Variants in RUSC2 observed in about 807,000 individuals in gnomAD.
RUSC2 encodes the protein RUN and SH3 domain containing 2.
Under a neutral mutation model 122.2 loss-of-function variants are expected in RUSC2, and 34 were observed. That is an observed-to-expected ratio of 0.28 (90% CI 0.21 to 0.37). The LOEUF (loss-of-function observed/expected upper bound fraction) is 0.37. Ranked by LOEUF, RUSC2 falls within the 10% of genes least tolerant of loss-of-function variation. The pLI, the probability that RUSC2 is intolerant of heterozygous loss-of-function variation, is 1.00. For missense variants in RUSC2, 1,747 were observed against 1,952.4 expected, an observed-to-expected ratio of 0.89 and a Z score of 1.98; for synonymous variants, 784 against 790.0, an observed-to-expected ratio of 0.99 and a Z score of 0.13.
chr9:35,503,559 A>G (rs563020660), intron 1 of RUSC2, among the ~76,000 whole-genome samples: 1 of 152,282 alleles, frequency 6.6e-6, no homozygotes, highest in East Asian at 1.9e-4. Flanking sequence ...TCGTGCTGCT[A>G]TAAACGTGTG....
intron 1 of RUSC2, among the ~76,000 whole-genome samples, chr9:35,539,348 T>C (rs914681058): frequency 6.6e-6 from 1 of 152,182 alleles, no homozygotes; most frequent in East Asian, 1.9e-4. Flanking sequence ...CCATTTATGC[T>C]ATTTTGTCAA....
chr9:35,503,850 C>T (rs1820864015), intron 1 of RUSC2, among the ~76,000 whole-genome samples: 1 of 152,060 alleles, frequency 6.6e-6, no homozygotes, highest in East Asian at 1.9e-4. Flanking sequence ...TGTTGGCTCA[C>T]TGCAACCTCC....
intron 1 of RUSC2, among the ~76,000 whole-genome samples, chr9:35,513,654 T>A (rs559469509): frequency 6.6e-6 from 1 of 152,224 alleles, no homozygotes; most frequent in South Asian, 2.1e-4. Context: ...TGTAGAATAC[T>A]TCATTGCATG....
chr9:35,556,967 A>G (rs1407208182), intron 5 of RUSC2, among the ~76,000 whole-genome samples: 2 of 152,164 alleles, frequency 1.3e-5, no homozygotes, highest in Non-Finnish European at 2.9e-5. Flanking sequence ...AGGCTTTCAG[A>G]GTCACGCTCC....
rs1247997025 is a variant in RUSC2 at position 35,561,185 on chromosome 9, G to C, written c.4354G>C (p.Val1452Leu). The C allele has an allele frequency of 2.5e-6, 4 of 1,614,042 alleles. No homozygotes were observed. The highest frequency in any genetic ancestry group is 1.7e-5 in the Admixed American group (1 of 60,020). The change falls in exon 12 of 12, where the codon GTG becomes CTG. Residue 1452 changes from valine (V) to leucine (L), a missense_variant. Val to Leu is a conservative substitution (Grantham distance 32, BLOSUM62 1). Coordinates refer to ENST00000361226, the MANE Select transcript of RUSC2 (RefSeq NM_014806.5). Reference protein sequence around the residue: ...PALPSSPPCEVQALCHHLATG... With the variant: ...PALPSSPPCELQALCHHLATG... ...CTCCATGTGCTGTTTCCCCAGTGAG[G>C]TGCAGGCACTGTGCCACCACCTGGC...
Position 35,557,794 on chromosome 9 carries a change from C to G in RUSC2, c.2984-120C>G. On this transcript the variant is annotated intron_variant, in intron 5 of 11. Coordinates refer to ENST00000361226, the MANE Select transcript of RUSC2 (RefSeq NM_014806.5). The surrounding 1 kb of genome is among the most constrained non-coding windows in gnomAD (Gnocchi z 4.6). ...TGAATGTTTTGATAAGACCCATGTG[C>G]AGATGTGGAGACGGAGTAAGTGTGG... The G allele has an allele frequency of 8.9e-6, 7 of 789,186 alleles. No individual in the cohort carries two copies. The highest frequency in any genetic ancestry group is 1.6e-5 in the Non-Finnish European group (7 of 442,362). The allele number at this position is 789,186 out of a possible 1,614,324, so 48.9% of individuals were successfully genotyped here.
chr9:35,549,094 T>C (rs776459518), intron 2 of RUSC2: 34 of 985,028 alleles, frequency 3.5e-5, no homozygotes, highest in Non-Finnish European at 4.0e-5. Context: ...GAGGCTGACA[T>C]ATTGGGAAAT....
intron 1 of RUSC2, among the ~76,000 whole-genome samples, chr9:35,517,779 C>T (rs561277638): frequency 6.6e-6 from 1 of 152,302 alleles, no homozygotes; most frequent in Admixed American, 6.5e-5. Context: ...AGGAGAAGGC[C>T]AGGGCGCTCT....
At chr9:35,549,557 G>A (rs1821842052) in intron 2 of RUSC2, among the ~76,000 whole-genome samples, 2 of 152,146 alleles carry the variant, frequency 1.3e-5, no homozygotes, top group African/African-American at 2.4e-5. Context: ...CAGTGAAAGG[G>A]GTATGTAAAT....
At position 35,558,729 on chromosome 9, in the gene RUSC2, C is replaced by T. The variant is rs543176666; in HGVS notation, c.3341+162C>T. Among the ~76,000 whole-genome samples the T allele has an allele frequency of 2.0e-4, 31 of 152,358 alleles. No homozygotes were observed. The highest frequency in any genetic ancestry group is 4.4e-4 in the Non-Finnish European group (30 of 68,028). ...CTCTCAGTAGGTCACTGCCTCCCCA[C>T]TGTGCCCATGACTCTGTCACTGGTC... On this transcript the variant is annotated intron_variant, in intron 8 of 11. Transcript: ENST00000361226. The surrounding 1 kb of genome is among the most constrained non-coding windows in gnomAD (Gnocchi z 4.3).
At chr9:35,491,460 C>T (rs1393486233) in intron 1 of RUSC2, among the ~76,000 whole-genome samples, 1 of 152,178 alleles carries the variant, frequency 6.6e-6, no homozygotes. Context: ...GCCCGTCCTG[C>T]TGTATGGCCA....
chr9:35,530,233 G>A (rs375497258), intron 1 of RUSC2, among the ~76,000 whole-genome samples: 50 of 152,170 alleles, frequency 3.3e-4, no homozygotes, highest in African/African-American at 1.2e-3. Flanking sequence ...TTACAGGTGT[G>A]AGCCACCCTA....
chr9:35,506,671 G>A (rs2132500624), intron 1 of RUSC2, among the ~76,000 whole-genome samples: 1 of 152,246 alleles, frequency 6.6e-6, no homozygotes, highest in South Asian at 2.1e-4. Context: ...TATGATTTTA[G>A]CCCTATGAAC....
intron 1 of RUSC2, among the ~76,000 whole-genome samples, chr9:35,537,115 G>A (rs1422182941): frequency 6.6e-6 from 1 of 152,200 alleles, no homozygotes; most frequent in Non-Finnish European, 1.5e-5. Context: ...TGGTTAGGAA[G>A]TAAGTGGCAA....
At chr9:35,528,845 G>A (rs751726111) in intron 1 of RUSC2, among the ~76,000 whole-genome samples, 2 of 151,886 alleles carry the variant, frequency 1.3e-5, no homozygotes, top group African/African-American at 2.4e-5. Flanking sequence ...CAGCAGTTGG[G>A]GAGACCAAAG....
rs1218119773 is a variant in RUSC2, at chr9:35,557,468, G to A, written c.2984-446G>A. On this transcript the variant is annotated intron_variant, in intron 5 of 11. Coordinates refer to ENST00000361226, the MANE Select transcript of RUSC2 (RefSeq NM_014806.5). The surrounding 1 kb of genome is among the most constrained non-coding windows in gnomAD (Gnocchi z 4.6). The stretch of plus-strand genomic sequence containing the variant: ...AAGCAGAACCAAGGGCTTGAGAGGA[G>A]GGGTGTCGATTTCACATGGCAACTT... 6.6e-6 allele frequency among the ~76,000 whole-genome samples: 1 copy of A among 152,168 alleles called. No homozygotes were observed.
rs754788683 is a variant in RUSC2, at chr9:35,560,252, C to T, written c.3612C>T (p.Ser1204=). The change falls in exon 10 of 12, where the codon TCC becomes TCT. Residue 1204 remains serine, a synonymous_variant. Transcript: ENST00000361226. The stretch of plus-strand genomic sequence containing the variant: ...AGGACCTGCTGCTGTCTGCCCACTC[C>T]ACGCTGCAGCTGGCCCGGGCCCGGG... ...VSQDLLLSAH[S]TLQLARARGQ... is the part of the protein sequence containing the mutation. 8.8e-6 allele frequency: 14 copies of T among 1,595,348 alleles called. No homozygotes were observed. The highest frequency in any genetic ancestry group is 2.7e-5 in the African/African-American group (2 of 74,674).
In RUSC2 at chr9:35,547,396, A is replaced by G. The variant is rs1821777595; in HGVS notation, c.875A>G (p.His292Arg). 3.7e-6 allele frequency: 6 copies of G among 1,614,148 alleles called. No individual in the cohort carries two copies. In the East Asian group the frequency reaches 1.1e-4, roughly 30 times the overall value. Residue 292 changes from histidine (H) to arginine (R), a missense_variant, in exon 2 of 12, where the codon CAT becomes CGT. Transcript: ENST00000361226. The surrounding 1 kb of genome is among the most constrained non-coding windows in gnomAD (Gnocchi z 4.6). ...TTCAGCACCCTCTACAACAAGATGC[A>G]TGGCACCCCCCGTGCCAATCTCAAC... ...VTFSTLYNKM[H>R]GTPRANLNSA...
intron 1 of RUSC2, among the ~76,000 whole-genome samples, chr9:35,493,558 C>T (rs1820611347): frequency 6.6e-6 from 1 of 152,142 alleles, no homozygotes; most frequent in African/African-American, 2.4e-5. Flanking sequence ...GGCTAGAGTG[C>T]AGTGGCACGA....
Sources: gnomAD v4.1 joint callset for allele counts (sites outside exome capture counted in the v4.1 genomes callset) on GRCh38, gnomAD v4.1.1 for gene constraint, Gnocchi (gnomAD v3.1) non-coding constraint, MANE v1.5 for transcripts, NCBI Gene and HGNC (gene_info 2026-07-23, HGNC 2026-07-21) for gene names.